The following DLG2 variants were observed in gnomAD, a reference collection of about 807,000 sequenced individuals.
DLG2 encodes the protein disks large homolog 2.
Under a neutral mutation model 132.5 loss-of-function variants are expected in DLG2, and 45 were observed. The observed-to-expected ratio is 0.34, with a 90% confidence interval of 0.27 to 0.44. The LOEUF is 0.44. DLG2 is among the 20% of genes least tolerant of loss of function. The pLI is 1.00. For missense variants in DLG2, 1,045 were observed against 1,196.9 expected, an observed-to-expected ratio of 0.87 and a Z score of 1.87; for synonymous variants, 424 against 419.6, an observed-to-expected ratio of 1.01 and a Z score of -0.13.
At chr11:83,671,129 T>C (rs1234434220) in intron 18 of DLG2, among the ~76,000 whole-genome samples, 2 of 152,204 alleles carry the variant, frequency 1.3e-5, no homozygotes, top group Non-Finnish European at 1.5e-5. Flanking sequence ...GACAACTAAA[T>C]GGGTTTGGTA....
At chr11:83,624,746 A>C (rs1307273360) in intron 19 of DLG2, among the ~76,000 whole-genome samples, 3 of 152,226 alleles carry the variant, frequency 2.0e-5, no homozygotes, top group Non-Finnish European at 4.4e-5. Flanking sequence ...TAAGCTATGC[A>C]CGACTATCAT....
At chr11:83,496,249 A>C (rs1256586428) in intron 21 of DLG2, among the ~76,000 whole-genome samples, 1 of 151,586 alleles carries the variant, frequency 6.6e-6, no homozygotes, top group Non-Finnish European at 1.5e-5. Context: ...CATCGGGGAG[A>C]TGCAAATTAA....
At chr11:85,477,940 GA>G (rs2093190537) in intron 3 of DLG2, among the ~76,000 whole-genome samples, 1 of 151,982 alleles carries the variant, frequency 6.6e-6, no homozygotes, top group Non-Finnish European at 1.5e-5. Context: ...AAGACAGGTA[GA>G]AATATTTAAA....
chr11:84,145,120 A>G (rs980386421), intron 9 of DLG2, among the ~76,000 whole-genome samples: 1 of 152,200 alleles, frequency 6.6e-6, no homozygotes, highest in Non-Finnish European at 1.5e-5. Flanking sequence ...ATGGAAATAA[A>G]TCTACTTTGA....
chr11:84,398,882 A>C (rs546374808), intron 7 of DLG2, among the ~76,000 whole-genome samples: 122 of 152,176 alleles, frequency 8.0e-4, no homozygotes, highest in African/African-American at 2.2e-3. Context: ...GACTCAAAAC[A>C]CTCTCAGTAA....
At chr11:84,204,485 C>A (rs1020381300) in intron 8 of DLG2, among the ~76,000 whole-genome samples, 11 of 151,758 alleles carry the variant, frequency 7.2e-5, no homozygotes, top group Non-Finnish European at 1.3e-4. Flanking sequence ...AGATAAAATA[C>A]TACAAAATAT....
chr11:85,525,586 C>A (rs2074681241), intron 3 of DLG2, among the ~76,000 whole-genome samples: 1 of 152,054 alleles, frequency 6.6e-6, no homozygotes, highest in South Asian at 2.1e-4. Flanking sequence ...GTAACAGATA[C>A]AAAATTTACT....
At chr11:84,278,902 A>G (rs1356750146) in intron 7 of DLG2, among the ~76,000 whole-genome samples, 1 of 152,052 alleles carries the variant, frequency 6.6e-6, no homozygotes, top group Non-Finnish European at 1.5e-5. Flanking sequence ...GCCATGGTGG[A>G]TTGCTGAACC....
At chr11:85,278,359 T>C (rs2078022261) in intron 4 of DLG2, among the ~76,000 whole-genome samples, 1 of 152,180 alleles carries the variant, frequency 6.6e-6, no homozygotes, top group Non-Finnish European at 1.5e-5. Flanking sequence ...AGAGATAATA[T>C]ATTAAAAGTG....
chr11:84,541,129 A>T (rs2099367602), intron 6 of DLG2, among the ~76,000 whole-genome samples: 1 of 152,056 alleles, frequency 6.6e-6, no homozygotes, highest in Admixed American at 6.6e-5. Context: ...AACATGGCAC[A>T]TGTATACATA....
At chr11:84,484,538 T>G (rs764097598) in intron 7 of DLG2, among the ~76,000 whole-genome samples, 1 of 152,212 alleles carries the variant, frequency 6.6e-6, no homozygotes, top group Non-Finnish European at 1.5e-5. Flanking sequence ...ATGAACTGGT[T>G]AGAGTATATG....
At chr11:85,044,854 T>C (rs1182771051) in intron 6 of DLG2, among the ~76,000 whole-genome samples, 1 of 152,078 alleles carries the variant, frequency 6.6e-6, no homozygotes, top group Non-Finnish European at 1.5e-5. Flanking sequence ...AAAATGTTTA[T>C]AGGAGTTTCA....
At chr11:84,815,359 T>C (rs1004134170) in intron 6 of DLG2, among the ~76,000 whole-genome samples, 1 of 152,044 alleles carries the variant, frequency 6.6e-6, no homozygotes. Flanking sequence ...TTAGTCAAAA[T>C]TTGATGACAT....
chr11:83,455,431 C>T lies in DLG2; in HGVS notation c.*4387G>A, dbSNP rs2088796302. 6.6e-6 allele frequency: 1 copy of T among 152,526 alleles called. No individual in the cohort carries two copies. Among genetic ancestry groups the T allele is most frequent in the African/African-American group, 2.4e-5 (1 of 41,436 alleles). The allele number at this position is 152,526 out of a possible 1,614,324, so 9.4% of individuals were successfully genotyped here. A position where few individuals can be genotyped will look rare whatever the true frequency, so the allele number is the denominator to read the frequency against. On this transcript the variant is annotated 3_prime_UTR_variant, in exon 28 of 28. Transcript: ENST00000376104. ...CAGAAGTTAAGAAACACTTAGGAAA[C>T]ACAAACTCAAAAAGGAGAGAAGAAA...
chr11:83,818,614 C>T (rs2049798767), intron 17 of DLG2, among the ~76,000 whole-genome samples: 1 of 152,110 alleles, frequency 6.6e-6, no homozygotes, highest in African/African-American at 2.4e-5. Context: ...TGAGAGGATA[C>T]ATGAATAAAC....
At chr11:83,674,763 C>G (rs1244753620) in intron 18 of DLG2, among the ~76,000 whole-genome samples, 1 of 152,188 alleles carries the variant, frequency 6.6e-6, no homozygotes, top group African/African-American at 2.4e-5. Flanking sequence ...CTTACTCATG[C>G]CTGGATGCAG....
At chr11:84,974,580 T>A (rs868369741) in intron 6 of DLG2, among the ~76,000 whole-genome samples, 1 of 152,168 alleles carries the variant, frequency 6.6e-6, no homozygotes, top group Non-Finnish European at 1.5e-5. Context: ...AGAGAAAACT[T>A]TGCATGAACA....
Position 84,307,695 on chromosome 11 carries a change from C to CAAAAAAAAAAAAAAAAAAAAAAAAA in DLG2, c.520-56405_520-56404insTTTTTTTTTTTTTTTTTTTTTTTTT, listed in dbSNP as rs1222486667. ...TGGGTGAAAGAGCGAGACGCAGTCT[C>CAAAAAAAAAAAAAAAAAAAAAAAAA]AAAAAAAAAAAAAAAAAAAAAGAAG... On this transcript the variant is annotated intron_variant, in intron 7 of 27. Coordinates refer to ENST00000376104, the MANE Select transcript of DLG2 (RefSeq NM_001142699.3). Among the ~76,000 whole-genome samples, 107 of 77,978 alleles carry CAAAAAAAAAAAAAAAAAAAAAAAAA rather than the reference C, an allele frequency of 1.4e-3. 5 individuals carry two copies. Among genetic ancestry groups the CAAAAAAAAAAAAAAAAAAAAAAAAA allele is most frequent in the Non-Finnish European group, 2.1e-3 (81 of 38,444 alleles). 51.2% of individuals were successfully genotyped at this position (77,978 alleles called of 152,430 possible). A position where few individuals can be genotyped will look rare whatever the true frequency, so the allele number is the denominator to read the frequency against.
intron 19 of DLG2, among the ~76,000 whole-genome samples, chr11:83,630,187 C>A (rs1290899053): frequency 6.6e-6 from 1 of 152,112 alleles, no homozygotes; most frequent in Non-Finnish European, 1.5e-5. Flanking sequence ...GGTTACCACT[C>A]CCTTCAAAAT....
Sources: allele counts gnomAD v4.1 joint callset (sites outside exome capture counted in the v4.1 genomes callset), GRCh38; gene constraint gnomAD v4.1.1; transcripts MANE v1.5; gene names NCBI Gene and HGNC (gene_info 2026-07-23, HGNC 2026-07-21).